The following RHPN2 variants were observed in gnomAD, a reference collection of about 807,000 sequenced individuals.
The protein encoded by RHPN2 is rhophilin-2.
A neutral mutation model predicts 79.0 loss-of-function variants in RHPN2; 40 were observed. That is an observed-to-expected ratio of 0.51 (90% CI 0.39 to 0.66). The LOEUF (loss-of-function observed/expected upper bound fraction) is 0.66, where lower values mean the gene tolerates loss of function less well. RHPN2 is among the 30% of genes least tolerant of loss of function. The pLI is 0.00. For synonymous variants in RHPN2, 285 were observed against 363.5 expected (o/e 0.78, Z 2.46); for missense variants, 686 against 883.5 (o/e 0.78, Z 2.83).
intron 3 of RHPN2, among the ~76,000 whole-genome samples, chr19:33,022,997 A>G (rs1306087672): frequency 5.9e-5 from 9 of 152,140 alleles, no homozygotes; most frequent in Non-Finnish European, 1.2e-4. Context: ...CCCAGCCCCA[A>G]TGTGGCAATG....
chr19:33,032,543 C>T (rs750066396), intron 2 of RHPN2, among the ~76,000 whole-genome samples: 1 of 152,114 alleles, frequency 6.6e-6, no homozygotes, highest in Non-Finnish European at 1.5e-5. Context: ...TTTTATCACT[C>T]AGGAGCTCTG....
intron 2 of RHPN2, among the ~76,000 whole-genome samples, chr19:33,041,517 C>G (rs887758637): frequency 6.6e-6 from 1 of 152,172 alleles, no homozygotes; most frequent in Non-Finnish European, 1.5e-5. Context: ...AACAACCCCC[C>G]ACTCCTGCCC....
In RHPN2 at chr19:33,064,880, C is replaced by T; in HGVS notation, c.-28G>A. On this transcript the variant is annotated 5_prime_UTR_variant, in exon 1 of 15. Coordinates refer to ENST00000254260, the MANE Select transcript of RHPN2 (RefSeq NM_033103.5). ...TAGCGGCGCGGGCGCGGAGGGCGGA[C>T]GGCGGACTGAGGCGCGGCGGCTGAG... is the stretch of plus-strand genomic sequence containing the variant. 6.7e-7 allele frequency: 1 copy of T among 1,490,728 alleles called. No homozygotes were observed. Among genetic ancestry groups the T allele is most frequent in the Non-Finnish European group, 8.9e-7 (1 of 1,126,516 alleles). The allele number at this position is 1,490,728 out of a possible 1,614,324, so 92.3% of individuals were successfully genotyped here.
At chr19:33,064,756 C>CCCCG (rs781270010) in intron 1 of RHPN2, 28 bp downstream of exon 1, 8 of 549,262 alleles carry the variant, frequency 1.5e-5, no homozygotes, top group African/African-American at 6.2e-5. Context: ...GCCCGCAGGT[C>CCCCG]CCCGCCCGCC....
chr19:33,052,946 TCA>T (rs1972200741), intron 1 of RHPN2, among the ~76,000 whole-genome samples: 1 of 151,938 alleles, frequency 6.6e-6, no homozygotes, highest in African/African-American at 2.4e-5. Context: ...TGTGTGCCAA[TCA>T]CAGTTATTTT....
intron 4 of RHPN2, among the ~76,000 whole-genome samples, chr19:33,014,651 G>A (rs1044869010): frequency 6.6e-6 from 1 of 152,134 alleles, no homozygotes; most frequent in African/African-American, 2.4e-5. Flanking sequence ...TGGGTATGGT[G>A]GCTCACACCT....
chr19:32,985,674 C>T (rs1971608619), intron 14 of RHPN2, among the ~76,000 whole-genome samples: 1 of 152,206 alleles, frequency 6.6e-6, no homozygotes, highest in African/African-American at 2.4e-5. Flanking sequence ...CTCTGTCACG[C>T]AGGCTGGAGT....
rs867593181 is a variant in RHPN2, at chr19:33,064,559, C to T, written c.69+225G>A. On this transcript the variant is annotated intron_variant, in intron 1 of 14. Coordinates refer to ENST00000254260, the MANE Select transcript of RHPN2 (RefSeq NM_033103.5). The stretch of plus-strand genomic sequence containing the variant: ...GCGCGGAGCGGCCACATGCGCCTCC[C>T]CTACTCCCCGCCCAGTCCCGGATGC... Among the ~76,000 whole-genome samples, 9 of 152,276 alleles carry T rather than the reference C, an allele frequency of 5.9e-5. No individual in the cohort carries two copies. In the South Asian group the frequency reaches 1.7e-3, roughly 28 times the overall value.
chr19:33,063,182 C>T (rs1486045003), intron 1 of RHPN2, among the ~76,000 whole-genome samples: 1 of 152,098 alleles, frequency 6.6e-6, no homozygotes, highest in Non-Finnish European at 1.5e-5. Flanking sequence ...GCCTGTGATC[C>T]TCTGTCCCAA....
chr19:32,979,922 C>A lies in RHPN2; in HGVS notation c.*74G>T. 2.0e-6 allele frequency: 3 copies of A among 1,536,854 alleles called. No individual in the cohort carries two copies. Among genetic ancestry groups the A allele is most frequent in the Non-Finnish European group, 1.8e-6 (2 of 1,110,740 alleles). On this transcript the variant is annotated 3_prime_UTR_variant, in exon 15 of 15. Coordinates refer to ENST00000254260, the MANE Select transcript of RHPN2 (RefSeq NM_033103.5). Reference sequence around the variant, plus strand: ...TGAGAACAGATAGATAGATATTTTCCATTATGGCACAAACGTTTAAGGCCG... The same window carrying A: ...TGAGAACAGATAGATAGATATTTTCAATTATGGCACAAACGTTTAAGGCCG...
intron 11 of RHPN2, among the ~76,000 whole-genome samples, chr19:32,994,941 C>T (rs568378838): frequency 2.2e-4 from 34 of 152,076 alleles, no homozygotes; most frequent in African/African-American, 6.5e-4. Context: ...GAGACAAGAG[C>T]GAAATGACCT....
chr19:33,000,543 C>T (rs1239465961), intron 9 of RHPN2, among the ~76,000 whole-genome samples: 3 of 152,034 alleles, frequency 2.0e-5, no homozygotes, highest in African/African-American at 2.4e-5. Flanking sequence ...AGCCCCCACA[C>T]GCTACCTCCT....
At chr19:33,016,376 T>C (rs1419338749) in intron 4 of RHPN2, among the ~76,000 whole-genome samples, 3 of 152,130 alleles carry the variant, frequency 2.0e-5, no homozygotes, top group Non-Finnish European at 4.4e-5. Context: ...CCTGGCCCTA[T>C]TTCTTTAAAA....
At chr19:32,989,022 G>A (rs774579043) in intron 14 of RHPN2, among the ~76,000 whole-genome samples, 21 of 152,200 alleles carry the variant, frequency 1.4e-4, no homozygotes, top group Non-Finnish European at 2.6e-4. Flanking sequence ...TGTTGTTACA[G>A]AGGGAAGGTC....
intron 1 of RHPN2, among the ~76,000 whole-genome samples, chr19:33,054,729 A>T (rs1302082600): frequency 1.3e-5 from 2 of 152,188 alleles, no homozygotes; most frequent in Non-Finnish European, 2.9e-5. Flanking sequence ...CCTCCAATGC[A>T]GCCTTTGTGT....
chr19:33,060,165 G>C (rs1972268164), intron 1 of RHPN2, among the ~76,000 whole-genome samples: 1 of 152,058 alleles, frequency 6.6e-6, no homozygotes, highest in Non-Finnish European at 1.5e-5. Context: ...CGTTTTTTTT[G>C]AGACAGGGTC....
chr19:33,018,634 C>T (rs1463736863), intron 4 of RHPN2, among the ~76,000 whole-genome samples: 1 of 152,144 alleles, frequency 6.6e-6, no homozygotes, highest in Admixed American at 6.6e-5. Context: ...AAATAAACCC[C>T]AAACTCACAG....
intron 2 of RHPN2, among the ~76,000 whole-genome samples, chr19:33,032,287 G>C (rs1236438096): frequency 1.3e-5 from 2 of 152,194 alleles, no homozygotes; most frequent in Non-Finnish European, 2.9e-5. Context: ...GAAGTGCTGG[G>C]ATTATAGGCG....
At chr19:33,007,898 TG>T in intron 7 of RHPN2, 115 bp downstream of exon 7, 1 of 1,039,654 alleles carries the variant, frequency 9.6e-7, no homozygotes, top group Non-Finnish European at 1.4e-6. Flanking sequence ...ACACCAGAGC[TG>T]GAGACTGGTC....
Sources: allele counts gnomAD v4.1 joint callset (sites outside exome capture counted in the v4.1 genomes callset), GRCh38; gene constraint gnomAD v4.1.1; transcripts MANE v1.5; gene names NCBI Gene and HGNC (gene_info 2026-07-23, HGNC 2026-07-21).